Variants in TJP2 observed in about 807,000 individuals in gnomAD.
TJP2 encodes the protein tight junction protein 2.
Under a neutral mutation model 133.1 loss-of-function variants are expected in TJP2, and 91 were observed. The observed-to-expected ratio is 0.68, with a 90% CI of 0.58 to 0.81. The LOEUF (loss-of-function observed/expected upper bound fraction) is 0.81. Among genes scored for constraint, TJP2 ranks in the 40% least tolerant of loss-of-function variants. The probability of loss-of-function intolerance (pLI) is 0.00; values close to 1 mark genes in which losing one functional copy is unlikely to be tolerated. For synonymous variants in TJP2, 592 were observed against 583.4 expected, an observed-to-expected ratio of 1.01 and a Z score of -0.21; for missense variants, 1,541 against 1,565.6, an observed-to-expected ratio of 0.98 and a Z score of 0.26.
rs762199355 is a variant in TJP2, at chr9:69,229,181, C to T, written c.1454-3C>T. 38 of 1,613,820 alleles carry T rather than the reference C, an allele frequency of 2.4e-5. No individual in the cohort carries two copies. Among genetic ancestry groups the T allele is most frequent in the Middle Eastern group, 3.3e-4 (2 of 6,082 alleles). ...ATAACAGTAGATGTTTCTTAACCTACAGCTCCTCAACCAAAAGCAGCCCCG... is the reference window on the plus strand; with the variant it reads ...ATAACAGTAGATGTTTCTTAACCTATAGCTCCTCAACCAAAAGCAGCCCCG... On this transcript the variant is annotated splice_polypyrimidine_tract_variant and splice_region_variant and intron_variant, in intron 9 of 22. Transcript: ENST00000377245.
chr9:69,212,719 T>C (rs1828014638), intron 2 of TJP2, 118 bp downstream of exon 2: 2 of 760,460 alleles, frequency 2.6e-6, no homozygotes, highest in Admixed American at 4.0e-5. Flanking sequence ...AGGTACATAA[T>C]GTATTATAGA....
At chr9:69,148,973 G>A (rs915240564) in intron 1 of TJP2, among the ~76,000 whole-genome samples, 12 of 152,116 alleles carry the variant, frequency 7.9e-5, no homozygotes, top group African/African-American at 2.9e-4. Context: ...AGCCACCTAT[G>A]AATCTTCCTT....
chr9:69,214,386 C>G (rs1186116830), intron 2 of TJP2, among the ~76,000 whole-genome samples: 1 of 152,080 alleles, frequency 6.6e-6, no homozygotes, highest in Non-Finnish European at 1.5e-5. Context: ...GCACCTGGCC[C>G]AGACTTAGCT....
rs189916909 is a variant in TJP2, at chr9:69,221,421, C to T, written c.877C>T (p.Arg293Trp). ...RSRSREHPHS[R>W]SPSPEPRGRP... ...CCGCAGCCGCGAGCACCCGCACTCACGGAGCCCCAGCCCCGAGCCTAGGGG... is the reference window on the plus strand; with the variant it reads ...CCGCAGCCGCGAGCACCCGCACTCATGGAGCCCCAGCCCCGAGCCTAGGGG... The change falls in exon 5 of 23, where the codon CGG becomes TGG. Residue 293 changes from arginine to tryptophan, a missense_variant. Physicochemically the swap from Arg to Trp is moderately radical, Grantham distance 101. Transcript: ENST00000377245. 1.6e-5 allele frequency: 25 copies of T among 1,586,486 alleles called. No homozygotes were observed. The East Asian group carries it at 3.0e-4, about 19-fold the overall frequency.
chr9:69,180,470 T>C (rs1014773621), intron 1 of TJP2, among the ~76,000 whole-genome samples: 4 of 152,204 alleles, frequency 2.6e-5, no homozygotes, highest in African/African-American at 9.7e-5. Context: ...GCCATTTTTT[T>C]CCATTTGTTG....
chr9:69,227,776 A>G lies in TJP2; in HGVS notation c.1222A>G (p.Ile408Val). The change falls in exon 8 of 23, where the codon ATA (isoleucine) becomes GTA (valine). Residue 408 changes from isoleucine (I) to valine (V), a missense_variant. Coordinates refer to ENST00000377245, the MANE Select transcript of TJP2 (RefSeq NM_004817.4). ...ATTTTTGAAACTAGATATTTCAGAA[A>G]TAGAGTCAAACCGATCATTTTCTCC... ...SDSEIEDISE[I>V]ESNRSFSPEE... 6.2e-7 allele frequency: 1 copy of G among 1,606,444 alleles called. No individual in the cohort carries two copies. The highest frequency in any genetic ancestry group is 8.5e-7 in the Non-Finnish European group (1 of 1,173,648).
chr9:69,202,371 C>T lies in TJP2; in HGVS notation c.61-10177C>T, dbSNP rs146797823. On this transcript the variant is annotated intron_variant, in intron 1 of 22. Transcript: ENST00000377245. ...ACTTACTGTATTGGGTCTTAGGTTC[C>T]AGCACATGAGTTTTGGTGGGACACA... 3.9e-3 allele frequency among the ~76,000 whole-genome samples: 590 copies of T among 152,222 alleles called. 3 individuals are homozygous for T. Among genetic ancestry groups the T allele is most frequent in the African/African-American group, 0.014 (567 of 41,530 alleles).
exon 1 of TJP2, chr9:69,121,563 C>T (rs1043708627): frequency 1.2e-5 from 2 of 164,900 alleles, no homozygotes; most frequent in African/African-American, 2.4e-5. Flanking sequence ...GAGCTTCCCG[C>T]ACTCCGGCTT....
intron 1 of TJP2, among the ~76,000 whole-genome samples, chr9:69,145,091 T>C (rs913744679): frequency 6.6e-6 from 1 of 152,214 alleles, no homozygotes; most frequent in Admixed American, 6.5e-5. Flanking sequence ...TAAAAAGTTG[T>C]TTTTAATAAT....
intron 1 of TJP2, among the ~76,000 whole-genome samples, chr9:69,146,010 T>C (rs567474794): frequency 2.5e-4 from 38 of 152,326 alleles, no homozygotes; most frequent in African/African-American, 8.7e-4. Flanking sequence ...AATTGTTGGA[T>C]AATATTCTAA....
At chr9:69,139,427 G>A (rs949132894) in intron 1 of TJP2, among the ~76,000 whole-genome samples, 6 of 152,264 alleles carry the variant, frequency 3.9e-5, no homozygotes, top group African/African-American at 1.4e-4. Flanking sequence ...TATAAGAGGA[G>A]GAAATTTGGA....
chr9:69,215,909 A>C (rs952087213), intron 2 of TJP2, among the ~76,000 whole-genome samples: 1 of 152,180 alleles, frequency 6.6e-6, no homozygotes, highest in African/African-American at 2.4e-5. Flanking sequence ...CTCTTAAAAA[A>C]CAAATACAAT....
intron 1 of TJP2, among the ~76,000 whole-genome samples, chr9:69,196,946 T>TACACACAC (rs746386691): frequency 0.03 from 3,980 of 134,154 alleles, 80 homozygotes; most frequent in East Asian, 0.055. Context: ...TGTGTGTGTG[T>TACACACAC]ACACACACAC....
intron 2 of TJP2, among the ~76,000 whole-genome samples, chr9:69,156,497 A>T (rs1281433235): frequency 6.6e-6 from 1 of 151,656 alleles, no homozygotes; most frequent in African/African-American, 2.4e-5. Context: ...TTAGGGAGAC[A>T]TAATACATCA....
At position 69,246,703 on chromosome 9, in the gene TJP2, A is replaced by G; in HGVS notation, c.2580A>G (p.Leu860=). The change falls in exon 18 of 23, where the codon CTA becomes CTG. Residue 860 remains leucine, a synonymous_variant. Coordinates refer to ENST00000377245, the MANE Select transcript of TJP2 (RefSeq NM_004817.4). ...ATATTTCTATAGCTACAATCAACCT[A>G]AATTCAGCCAATGATAGCTGGTTTG... The part of the protein sequence containing the change: ...CAHLFTATIN[L]NSANDSWFGS... The G allele has an allele frequency of 1.9e-6, 3 of 1,614,102 alleles. No homozygotes were observed. The South Asian group carries it at 3.3e-5, about 18-fold the overall frequency.
Position 69,248,110 on chromosome 9 carries a change from T to C in TJP2, c.2766T>C (p.Phe922=). Reference sequence around the variant, plus strand: ...GCGACAGCCGCCTCATCAGTGACTTTGAAGACACGGACGGTGAAGGAGGCG... The same window carrying C: ...GCGACAGCCGCCTCATCAGTGACTTCGAAGACACGGACGGTGAAGGAGGCG... ...LSCDSRLISD[F]EDTDGEGGAY... Residue 922 remains phenylalanine (F), a synonymous_variant, in exon 19 of 23, where the codon TTT becomes TTC. Transcript: ENST00000377245. 1.9e-6 allele frequency: 3 copies of C among 1,614,146 alleles called. No individual in the cohort carries two copies. The highest frequency in any genetic ancestry group is 2.5e-6 in the Non-Finnish European group (3 of 1,180,036).
intron 4 of TJP2, 51 bp downstream of exon 4, chr9:69,218,410 GC>G: frequency 7.0e-7 from 1 of 1,430,560 alleles, no homozygotes; most frequent in Non-Finnish European, 9.9e-7. Context: ...TTGGTTTTTT[GC>G]CCAGAAGAAA....
chr9:69,217,488 G>C (rs925114248), intron 3 of TJP2, among the ~76,000 whole-genome samples: 1 of 152,144 alleles, frequency 6.6e-6, no homozygotes, highest in African/African-American at 2.4e-5. Context: ...TGGCAGGAAC[G>C]CTTGAGGCCA....
Position 69,251,063 on chromosome 9 carries a change from A to G in TJP2, c.3020A>G (p.Tyr1007Cys), listed in dbSNP as rs1409496799. ...AAAACCCAGAACAAAGAAGAATCCT[A>G]TGACTTCTCCAAATCCTATGAATAT... Reference protein sequence around the residue: ...KAKTQNKEESYDFSKSYEYKS... With the variant: ...KAKTQNKEESCDFSKSYEYKS... Residue 1007 changes from tyrosine (Y) to cysteine (C), a missense_variant, in exon 21 of 23, where the codon TAT becomes TGT. Coordinates refer to ENST00000377245, the MANE Select transcript of TJP2 (RefSeq NM_004817.4). 3 of 1,614,048 alleles carry G rather than the reference A, an allele frequency of 1.9e-6. No homozygotes were observed. The highest frequency in any genetic ancestry group is 2.2e-5 in the South Asian group (2 of 91,086).
Sources: allele counts gnomAD v4.1 joint callset (sites outside exome capture counted in the v4.1 genomes callset), GRCh38; gene constraint gnomAD v4.1.1; transcripts MANE v1.5; gene names NCBI Gene and HGNC (gene_info 2026-07-23, HGNC 2026-07-21).